TRAM2: variants seen among roughly 807,000 people sequenced by gnomAD.
TRAM2 encodes translocation associated membrane protein 2.
Under a neutral mutation model 51.0 loss-of-function variants are expected in TRAM2, and 12 were observed. The ratio of observed to expected loss-of-function variants is 0.24; its 90% CI spans 0.15 to 0.38. The LOEUF (loss-of-function observed/expected upper bound fraction) is 0.38, where lower values mean the gene tolerates loss of function less well. Ranked by LOEUF, TRAM2 falls within the 10% of genes least tolerant of loss-of-function variation. The pLI is 1.00. For missense variants in TRAM2, 361 were observed against 462.0 expected (o/e 0.78, Z 2.00); for synonymous variants, 175 against 179.4 (o/e 0.98, Z 0.20).
Position 52,504,618 on chromosome 6 carries a change from G to T in TRAM2, c.1012C>A (p.Pro338Thr), listed in dbSNP as rs972572216. 10 of 1,614,160 alleles carry T rather than the reference G, an allele frequency of 6.2e-6. No individual in the cohort carries two copies. Among genetic ancestry groups the T allele is most frequent in the Non-Finnish European group, 8.5e-6 (10 of 1,180,046 alleles). Reference protein sequence around the residue: ...KRRVPATPRLPARLIKRESGY... With the variant: ...KRRVPATPRLTARLIKRESGY... ...GATTCCCTCTTGATGAGCCTGGCTGGTAGTCTGGGTGTGGCTGGGACTCTC... is the reference window on the plus strand; with the variant it reads ...GATTCCCTCTTGATGAGCCTGGCTGTTAGTCTGGGTGTGGCTGGGACTCTC... Residue 338 changes from proline (P) to threonine (T), a missense_variant, in exon 10 of 11, where the codon CCA (proline) becomes ACA (threonine). Physicochemically the swap from Pro to Thr is conservative, Grantham distance 38. Transcript: ENST00000182527.
chr6:52,566,733 G>C (rs1298013645), intron 1 of TRAM2, among the ~76,000 whole-genome samples: 1 of 152,130 alleles, frequency 6.6e-6, no homozygotes, highest in South Asian at 2.1e-4. Context: ...GTCTACAAAG[G>C]ACGGACTATT....
At chr6:52,528,223 TTC>T (rs1369226418) in intron 2 of TRAM2, among the ~76,000 whole-genome samples, 1 of 152,102 alleles carries the variant, frequency 6.6e-6, no homozygotes, top group Non-Finnish European at 1.5e-5. Context: ...CACCAATCAA[TTC>T]TCTGAGCCTC....
chr6:52,516,087 T>C lies in TRAM2; in HGVS notation c.330A>G (p.Lys110=). 1 of 1,614,198 alleles carries C rather than the reference T, an allele frequency of 6.2e-7. No homozygotes were observed. The highest frequency in any genetic ancestry group is 1.1e-5 in the South Asian group (1 of 91,080). ...ISKRLHLSKV[K]HSKFNESGQL... ...GTCCAGATTCATTGAACTTGCTGTGTTTGACTTTGGAGAGATGAAGCCGTT... is the reference window on the plus strand; with the variant it reads ...GTCCAGATTCATTGAACTTGCTGTGCTTGACTTTGGAGAGATGAAGCCGTT... Residue 110 remains lysine (K), a synonymous_variant, in exon 4 of 11, where the codon AAA becomes AAG. Coordinates refer to ENST00000182527, the MANE Select transcript of TRAM2 (RefSeq NM_012288.4).
rs1471018137 is a variant in TRAM2 at position 52,499,839 on chromosome 6, G to A, written c.*3358C>T. ...CGGTCTGGTGGCCCAGACACACATGGGATTAGAACTGACTCAAAAGGGAGG... is the reference window on the plus strand; with the variant it reads ...CGGTCTGGTGGCCCAGACACACATGAGATTAGAACTGACTCAAAAGGGAGG... On this transcript the variant is annotated 3_prime_UTR_variant, in exon 11 of 11. Coordinates refer to ENST00000182527, the MANE Select transcript of TRAM2 (RefSeq NM_012288.4). The A allele has an allele frequency of 6.6e-6, 1 of 152,198 alleles. No individual in the cohort carries two copies. The allele number at this position is 152,198 out of a possible 1,614,324, so 9.4% of individuals were successfully genotyped here.
At chr6:52,511,775 A>G (rs1311016168) in intron 4 of TRAM2, among the ~76,000 whole-genome samples, 1 of 150,950 alleles carries the variant, frequency 6.6e-6, no homozygotes, top group Admixed American at 6.6e-5. Flanking sequence ...AACCTGACTG[A>G]TAAGTCCTTT....
intron 7 of TRAM2, 50 bp downstream of exon 7, chr6:52,507,503 A>G: frequency 1.9e-6 from 3 of 1,579,038 alleles, no homozygotes; most frequent in Non-Finnish European, 2.6e-6. Context: ...GGACAGATGC[A>G]TGGACATAAA....
At chr6:52,514,318 A>T (rs1261401853) in intron 4 of TRAM2, among the ~76,000 whole-genome samples, 1 of 152,192 alleles carries the variant, frequency 6.6e-6, no homozygotes, top group Admixed American at 6.5e-5. Flanking sequence ...TTCTTCTTCA[A>T]TCACTTTCCT....
chr6:52,522,934 C>A, intron 2 of TRAM2: 2 of 702,498 alleles, frequency 2.8e-6, no homozygotes, highest in Admixed American at 4.0e-5. Flanking sequence ...CCAGTCCTGT[C>A]TGGATCCCAC....
At position 52,502,890 on chromosome 6, in the gene TRAM2, C is replaced by T. The variant is rs1235690307; in HGVS notation, c.*307G>A. The T allele has an allele frequency of 2.6e-6, 1 of 391,658 alleles. No homozygotes were observed. The highest frequency in any genetic ancestry group is 4.6e-6 in the Non-Finnish European group (1 of 217,622). 24.3% of individuals were successfully genotyped at this position (391,658 alleles called of 1,614,324 possible). ...GCCATAAGGCAAGAGACAGAGCAAG[C>T]AGAAAGGTGCCAGCCATGGGCGCCT... On this transcript the variant is annotated 3_prime_UTR_variant, in exon 11 of 11. Transcript: ENST00000182527.
At chr6:52,553,465 CT>C (rs1477211369) in intron 1 of TRAM2, among the ~76,000 whole-genome samples, 1 of 152,182 alleles carries the variant, frequency 6.6e-6, no homozygotes, top group African/African-American at 2.4e-5. Flanking sequence ...TCTGAATGTC[CT>C]TTCTTGCCTG....
intron 1 of TRAM2, among the ~76,000 whole-genome samples, chr6:52,566,111 T>C (rs1469601365): frequency 6.6e-6 from 1 of 152,156 alleles, no homozygotes; most frequent in Non-Finnish European, 1.5e-5. Flanking sequence ...GACACTTCAG[T>C]GATAAAGCCA....
At chr6:52,576,122 G>A (rs1767760378) in intron 1 of TRAM2, among the ~76,000 whole-genome samples, 1 of 152,202 alleles carries the variant, frequency 6.6e-6, no homozygotes, top group South Asian at 2.1e-4. Flanking sequence ...TGTAAAGGGG[G>A]TGAAGCTCTG....
intron 2 of TRAM2, among the ~76,000 whole-genome samples, chr6:52,533,647 G>T (rs1766930052): frequency 6.6e-6 from 1 of 152,236 alleles, no homozygotes; most frequent in Non-Finnish European, 1.5e-5. Flanking sequence ...GTGACTGCAG[G>T]GGATGGTGGG....
At chr6:52,544,278 C>T (rs1376487087) in intron 1 of TRAM2, among the ~76,000 whole-genome samples, 1 of 152,148 alleles carries the variant, frequency 6.6e-6, no homozygotes, top group African/African-American at 2.4e-5. Context: ...TTAAACTAAG[C>T]AAACTGAGGC....
intron 2 of TRAM2, among the ~76,000 whole-genome samples, chr6:52,534,306 G>A (rs529516840): frequency 3.6e-4 from 55 of 152,086 alleles, no homozygotes; most frequent in South Asian, 6.2e-4. Context: ...GCTTCAACCC[G>A]GGAGGTGGAG....
intron 1 of TRAM2, among the ~76,000 whole-genome samples, chr6:52,563,793 T>G (rs1767543290): frequency 6.6e-6 from 1 of 151,730 alleles, no homozygotes; most frequent in Non-Finnish European, 1.5e-5. Context: ...CTTTTTTATG[T>G]TTTTTATTTT....
chr6:52,535,829 G>A lies in TRAM2; in HGVS notation c.138C>T (p.Ala46=), dbSNP rs1224507175. 1.2e-6 allele frequency: 2 copies of A among 1,614,024 alleles called. No homozygotes were observed. Among genetic ancestry groups the A allele is most frequent in the Non-Finnish European group, 8.5e-7 (1 of 1,179,956 alleles). The change falls in exon 2 of 11, where the codon GCC becomes GCT. Residue 46 remains alanine (A), a synonymous_variant. Coordinates refer to ENST00000182527, the MANE Select transcript of TRAM2 (RefSeq NM_012288.4). The stretch of plus-strand genomic sequence containing the variant: ...TATACTGAGGTAAAATAAATAGAAA[G>A]GCAGTCTTGGCTGTGACCTGTAAAA... ...GLMFEVTAKT[A]FLFILPQYNI... is the part of the protein sequence containing the mutation.
At chr6:52,514,900 CT>C (rs1200676501) in intron 4 of TRAM2, among the ~76,000 whole-genome samples, 1 of 152,228 alleles carries the variant, frequency 6.6e-6, no homozygotes, top group Non-Finnish European at 1.5e-5. Flanking sequence ...CAATCTGCCC[CT>C]GGGACTGTGA....
intron 1 of TRAM2, among the ~76,000 whole-genome samples, chr6:52,537,350 C>G (rs1766993076): frequency 6.6e-6 from 1 of 152,202 alleles, no homozygotes; most frequent in Non-Finnish European, 1.5e-5. Context: ...CTCGACCTAC[C>G]TTCCTGTCCA....
Sources: gnomAD v4.1 joint callset for allele counts (sites outside exome capture counted in the v4.1 genomes callset) on GRCh38, gnomAD v4.1.1 for gene constraint, MANE v1.5 for transcripts, NCBI Gene and HGNC (gene_info 2026-07-23, HGNC 2026-07-21) for gene names.